The following ADAMTS3 variants were observed in gnomAD, a reference collection of about 807,000 sequenced individuals.
ADAMTS3 encodes ADAM metallopeptidase with thrombospondin type 1 motif 3.
ADAMTS3 carries 73 observed loss-of-function variants against 129.0 expected under a neutral mutation model. The observed-to-expected ratio is 0.57, with a 90% CI of 0.47 to 0.69. ADAMTS3 has a LOEUF of 0.69. ADAMTS3 is among the 30% of genes least tolerant of loss of function. ADAMTS3 has a pLI of 0.00. For synonymous variants in ADAMTS3, 477 were observed against 510.8 expected, an observed-to-expected ratio of 0.93 and a Z score of 0.89; for missense variants, 1,457 against 1,514.5, an observed-to-expected ratio of 0.96 and a Z score of 0.63.
intron 4 of ADAMTS3, among the ~76,000 whole-genome samples, chr4:72,368,402 A>G (rs1403377152): frequency 6.6e-6 from 1 of 152,206 alleles, no homozygotes; most frequent in Non-Finnish European, 1.5e-5. Flanking sequence ...CTTGAGGACA[A>G]GGAGTACAGA....
At chr4:72,331,421 A>C (rs1438883441) in intron 5 of ADAMTS3, among the ~76,000 whole-genome samples, 4 of 152,158 alleles carry the variant, frequency 2.6e-5, no homozygotes, top group Non-Finnish European at 5.9e-5. Context: ...TGTTCATAGC[A>C]TAGTGTGTAA....
chr4:72,289,799 G>A lies in ADAMTS3; in HGVS notation c.2932-931C>T, dbSNP rs191181133. On this transcript the variant is annotated intron_variant, in intron 20 of 21. Coordinates refer to ENST00000286657, the MANE Select transcript of ADAMTS3 (RefSeq NM_014243.3). ...CTTGCATGCCTCCTTGCCATGTGAT[G>A]CCTTCAGCTACAGGAAGACCCTCTC... is the stretch of plus-strand genomic sequence containing the variant. Among the ~76,000 whole-genome samples, 4 of 152,252 alleles carry A rather than the reference G, an allele frequency of 2.6e-5. No individual in the cohort carries two copies. In the East Asian group the frequency reaches 7.7e-4, roughly 29 times the overall value.
At chr4:72,488,261 T>C (rs1196715547) in intron 3 of ADAMTS3, among the ~76,000 whole-genome samples, 4 of 151,962 alleles carry the variant, frequency 2.6e-5, no homozygotes, top group African/African-American at 9.7e-5. Context: ...TAATGTCCCT[T>C]GGACCCTGAA....
chr4:72,521,773 A>C (rs558678288), intron 3 of ADAMTS3, among the ~76,000 whole-genome samples: 1 of 152,306 alleles, frequency 6.6e-6, no homozygotes, highest in East Asian at 1.9e-4. Context: ...TTAATTAGCT[A>C]TTCCCATTAT....
intron 3 of ADAMTS3, among the ~76,000 whole-genome samples, chr4:72,448,298 T>A (rs116660499): frequency 6.6e-6 from 1 of 151,796 alleles, no homozygotes; most frequent in Non-Finnish European, 1.5e-5. Flanking sequence ...TCTATATAAG[T>A]AGGCAGTGAG....
chr4:72,520,587 A>T (rs1283830331), intron 3 of ADAMTS3, among the ~76,000 whole-genome samples: 1 of 151,958 alleles, frequency 6.6e-6, no homozygotes, highest in Non-Finnish European at 1.5e-5. Context: ...TTGCAGTTTG[A>T]TCTCAGACTG....
At chr4:72,431,934 A>G (rs1722708829) in intron 3 of ADAMTS3, among the ~76,000 whole-genome samples, 1 of 152,000 alleles carries the variant, frequency 6.6e-6, no homozygotes, top group Non-Finnish European at 1.5e-5. Context: ...TAGTACTAAA[A>G]GCTTAAGAAA....
chr4:72,530,287 CATATA>C (rs1174290862), intron 3 of ADAMTS3, among the ~76,000 whole-genome samples: 1 of 71,336 alleles, frequency 1.4e-5, no homozygotes, highest in African/African-American at 5.7e-5. Flanking sequence ...TATATAATAA[CATATA>C]ATATATAATA....
At chr4:72,313,343 ACT>A (rs1184079699) in intron 12 of ADAMTS3, among the ~76,000 whole-genome samples, 3 of 152,000 alleles carry the variant, frequency 2.0e-5, no homozygotes, top group Admixed American at 6.6e-5. Flanking sequence ...TTTCCTGGAC[ACT>A]CTCTTGTTTC....
chr4:72,311,260 T>C, intron 13 of ADAMTS3, 79 bp from the exon 14 acceptor site: 1 of 1,276,188 alleles, frequency 7.8e-7, no homozygotes, highest in South Asian at 1.8e-5. Context: ...TATTTTTAAA[T>C]ATAAGGTTTC....
chr4:72,519,882 GAA>G (rs1316707830), intron 3 of ADAMTS3, among the ~76,000 whole-genome samples: 9 of 152,208 alleles, frequency 5.9e-5, no homozygotes, highest in Admixed American at 5.9e-4. Context: ...TGCTGGTGAA[GAA>G]CTGCGTTCCT....
chr4:72,358,586 C>CAAA (rs1179298427), intron 4 of ADAMTS3, among the ~76,000 whole-genome samples: 1 of 151,916 alleles, frequency 6.6e-6, no homozygotes, highest in Non-Finnish European at 1.5e-5. Context: ...ATATTATAAA[C>CAAA]AATAAACTAT....
At chr4:72,480,859 G>C (rs937427584) in intron 3 of ADAMTS3, among the ~76,000 whole-genome samples, 1 of 150,896 alleles carries the variant, frequency 6.6e-6, no homozygotes, top group African/African-American at 2.4e-5. Context: ...AGTGAATTTA[G>C]CAAGGTAGCA....
intron 4 of ADAMTS3, among the ~76,000 whole-genome samples, chr4:72,370,199 G>C (rs531008060): frequency 6.6e-6 from 1 of 152,070 alleles, no homozygotes; most frequent in Non-Finnish European, 1.5e-5. Flanking sequence ...CCCAGCCTGC[G>C]CCGAAGATTT....
chr4:72,565,685 C>G (rs2109810730), intron 2 of ADAMTS3, among the ~76,000 whole-genome samples: 1 of 152,310 alleles, frequency 6.6e-6, no homozygotes, highest in East Asian at 1.9e-4. Flanking sequence ...GCACTACACC[C>G]TAAGAGGGCT....
At chr4:72,304,874 A>G (rs954587769) in intron 16 of ADAMTS3, among the ~76,000 whole-genome samples, 1 of 152,018 alleles carries the variant, frequency 6.6e-6, no homozygotes, top group African/African-American at 2.4e-5. Context: ...AAACTGGTCT[A>G]TTTTTTCCAA....
intron 3 of ADAMTS3, among the ~76,000 whole-genome samples, chr4:72,456,392 A>ACT (rs1718619911): frequency 7.6e-6 from 1 of 131,388 alleles, no homozygotes. Context: ...TAGTATATAT[A>ACT]TTATAGATTT....
intron 5 of ADAMTS3, among the ~76,000 whole-genome samples, chr4:72,326,990 T>C (rs1347304149): frequency 1.3e-5 from 2 of 152,172 alleles, no homozygotes; most frequent in African/African-American, 2.4e-5. Context: ...TGTTTTCCTA[T>C]ATTTACACAT....
intron 4 of ADAMTS3, among the ~76,000 whole-genome samples, chr4:72,379,922 T>C (rs140567753): frequency 4.3e-4 from 65 of 152,276 alleles, no homozygotes; most frequent in African/African-American, 1.5e-3. Flanking sequence ...CCATTGTGTT[T>C]ACCAGCTCAA....
Sources: gnomAD v4.1 joint callset for allele counts (sites outside exome capture counted in the v4.1 genomes callset) on GRCh38, gnomAD v4.1.1 for gene constraint, MANE v1.5 for transcripts, NCBI Gene and HGNC (gene_info 2026-07-23, HGNC 2026-07-21) for gene names.